Variants in FOXP1 observed in about 807,000 individuals in gnomAD.
The protein encoded by FOXP1 is forkhead box protein P1.
A neutral mutation model predicts 98.2 loss-of-function variants in FOXP1; 15 were observed. The ratio of observed to expected loss-of-function variants is 0.15; its 90% CI spans 0.10 to 0.24. The LOEUF is 0.24. Among genes scored for constraint, FOXP1 ranks in the 10% least tolerant of loss-of-function variants. The pLI, the probability that FOXP1 is intolerant of heterozygous loss-of-function variation, is 1.00. For missense variants in FOXP1, 633 were observed against 848.5 expected (o/e 0.75, Z 3.15); for synonymous variants, 371 against 314.5 (o/e 1.18, Z -1.90).
intron 2 of FOXP1, chr3:71,580,765 G>T (rs1269226269): frequency 3.0e-6 from 3 of 983,680 alleles, no homozygotes; most frequent in East Asian, 2.3e-4. Context: ...TATCCTTGAG[G>T]TCTTCTCAAC....
At chr3:71,436,367 T>C (rs2085356183) in intron 3 of FOXP1, among the ~76,000 whole-genome samples, 1 of 152,098 alleles carries the variant, frequency 6.6e-6, no homozygotes, top group Non-Finnish European at 1.5e-5. Flanking sequence ...CATAGCATAG[T>C]TACTGCATGG....
chr3:71,456,383 G>A (rs369733361), intron 3 of FOXP1, among the ~76,000 whole-genome samples: 9 of 152,296 alleles, frequency 5.9e-5, no homozygotes, highest in Admixed American at 4.6e-4. Context: ...GATGGAAGGT[G>A]CCGGGTTTTC....
intron 20 of FOXP1, among the ~76,000 whole-genome samples, chr3:70,960,998 G>A (rs987043317): frequency 4.0e-5 from 6 of 151,550 alleles, no homozygotes; most frequent in African/African-American, 1.2e-4. Context: ...ACCTGCCACC[G>A]CGCCCGGCTA....
At chr3:71,191,331 A>G (rs2062966894) in intron 6 of FOXP1, among the ~76,000 whole-genome samples, 1 of 152,246 alleles carries the variant, frequency 6.6e-6, no homozygotes, top group African/African-American at 2.4e-5. Flanking sequence ...CAGACTTGTG[A>G]GTAGACAAGA....
intron 4 of FOXP1, among the ~76,000 whole-genome samples, chr3:71,317,613 A>T (rs370047662): frequency 2.6e-5 from 4 of 152,292 alleles, no homozygotes; most frequent in African/African-American, 7.2e-5. Context: ...GAATTCTTTC[A>T]TTTCCTAAAA....
intron 5 of FOXP1, among the ~76,000 whole-genome samples, chr3:71,266,143 G>C (rs1177698452): frequency 6.6e-6 from 1 of 152,148 alleles, no homozygotes; most frequent in Non-Finnish European, 1.5e-5. Flanking sequence ...GAGTACATAG[G>C]TGTCTGGAAA....
At chr3:71,177,130 CAG>C (rs1291881326) in intron 6 of FOXP1, among the ~76,000 whole-genome samples, 2 of 152,092 alleles carry the variant, frequency 1.3e-5, no homozygotes, top group Non-Finnish European at 2.9e-5. Context: ...GTTTTAGAAA[CAG>C]ATGGAATCAG....
intron 2 of FOXP1, among the ~76,000 whole-genome samples, chr3:71,568,654 T>C (rs1474989404): frequency 3.2e-5 from 1 of 30,992 alleles, no homozygotes; most frequent in Non-Finnish European, 1.1e-4. Flanking sequence ...ATTTTTTTTC[T>C]TTTTTTTTTT....
chr3:71,124,649 A>AG (rs1048748811), intron 6 of FOXP1, among the ~76,000 whole-genome samples: 3 of 130,588 alleles, frequency 2.3e-5, no homozygotes, highest in Non-Finnish European at 5.1e-5. Context: ...GTGTCAAAAA[A>AG]AAAAAGAAAA....
chr3:71,546,555 TC>T (rs1195567341), intron 2 of FOXP1, among the ~76,000 whole-genome samples: 1 of 151,732 alleles, frequency 6.6e-6, no homozygotes. Flanking sequence ...ACCCACCACT[TC>T]TATGATGCAG....
At position 71,471,688 on chromosome 3, in the gene FOXP1, G is replaced by T. The variant is rs186588885; in HGVS notation, c.-168+21738C>A. 3.2e-3 allele frequency among the ~76,000 whole-genome samples: 493 copies of T among 152,266 alleles called. 1 individual carries two copies. Among genetic ancestry groups the T allele is most frequent in the African/African-American group, 0.011 (444 of 41,552 alleles). Reference sequence around the variant, plus strand: ...AGAAAAGAAAAAAAAAGGTAGAAATGAGACAGTCCACCCTGAAAGCCATAC... The same window carrying T: ...AGAAAAGAAAAAAAAAGGTAGAAATTAGACAGTCCACCCTGAAAGCCATAC... On this transcript the variant is annotated intron_variant, in intron 3 of 20. Coordinates refer to ENST00000649528, the MANE Select transcript of FOXP1 (RefSeq NM_001349338.3).
At chr3:71,134,330 A>G (rs2059715374) in intron 6 of FOXP1, among the ~76,000 whole-genome samples, 1 of 152,206 alleles carries the variant, frequency 6.6e-6, no homozygotes, top group African/African-American at 2.4e-5. Context: ...CAGGGCACAA[A>G]TGTAACCAAG....
intron 6 of FOXP1, among the ~76,000 whole-genome samples, chr3:71,154,673 T>C (rs2060734081): frequency 6.6e-6 from 1 of 152,226 alleles, no homozygotes; most frequent in African/African-American, 2.4e-5. Flanking sequence ...GCAAGTCACC[T>C]AACCTTGCGG....
At chr3:70,979,678 A>C (rs952422480) in intron 14 of FOXP1, among the ~76,000 whole-genome samples, 3 of 151,984 alleles carry the variant, frequency 2.0e-5, no homozygotes, top group African/African-American at 7.2e-5. Context: ...TATTTGTGGA[A>C]GGTATTAAAA....
At chr3:71,459,944 C>A (rs55949564) in intron 3 of FOXP1, among the ~76,000 whole-genome samples, 2 of 145,220 alleles carry the variant, frequency 1.4e-5, no homozygotes, top group Non-Finnish European at 1.5e-5. Context: ...TTTTTTTTTT[C>A]TTTTTTTAAG....
At chr3:71,075,033 C>T (rs76162035) in intron 7 of FOXP1, among the ~76,000 whole-genome samples, 4,135 of 152,300 alleles carry the variant, frequency 0.027, 110 homozygotes, top group East Asian at 0.084. Context: ...CCTGAGTTCT[C>T]CTGGTAATAC....
At chr3:71,274,934 C>T (rs114584344) in intron 5 of FOXP1, among the ~76,000 whole-genome samples, 130 of 152,282 alleles carry the variant, frequency 8.5e-4, no homozygotes, top group Non-Finnish European at 1.6e-3. Flanking sequence ...TCTAGAGCTA[C>T]GTTTAAATGC....
At chr3:71,291,555 C>G (rs551471256) in intron 5 of FOXP1, among the ~76,000 whole-genome samples, 1 of 152,096 alleles carries the variant, frequency 6.6e-6, no homozygotes, top group South Asian at 2.1e-4. Flanking sequence ...TGTGAATAAA[C>G]AGATGAGGGA....
chr3:71,430,788 G>A (rs972467528), intron 3 of FOXP1, among the ~76,000 whole-genome samples: 8 of 152,112 alleles, frequency 5.3e-5, no homozygotes, highest in African/African-American at 1.9e-4. Flanking sequence ...GCCTTATGGT[G>A]TCTGTCACCC....
Sources: allele counts gnomAD v4.1 joint callset (sites outside exome capture counted in the v4.1 genomes callset), GRCh38; gene constraint gnomAD v4.1.1; transcripts MANE v1.5; gene names NCBI Gene and HGNC (gene_info 2026-07-23, HGNC 2026-07-21).